FSTL5: variants seen among roughly 807,000 people sequenced by gnomAD.
FSTL5 encodes the protein follistatin-related protein 5.
Under a neutral mutation model 89.1 loss-of-function variants are expected in FSTL5, and 62 were observed. That is an observed-to-expected ratio of 0.70 (90% CI 0.57 to 0.86). FSTL5 has a LOEUF of 0.86. FSTL5 is among the 40% of genes least tolerant of loss of function. FSTL5 has a pLI of 0.00. For synonymous variants in FSTL5, 383 were observed against 346.2 expected (o/e 1.11, Z -1.18); for missense variants, 1,057 against 1,001.6 (o/e 1.06, Z -0.75).
At chr4:161,802,197 A>G (rs1729819527) in intron 4 of FSTL5, among the ~76,000 whole-genome samples, 1 of 151,740 alleles carries the variant, frequency 6.6e-6, no homozygotes, top group Non-Finnish European at 1.5e-5. Context: ...TGCTTCAGTT[A>G]TGTCTAAAAT....
At chr4:162,004,608 G>T (rs1483551) in intron 3 of FSTL5, among the ~76,000 whole-genome samples, 5,588 of 152,176 alleles carry the variant, frequency 0.037, 152 homozygotes, top group South Asian at 0.088. Context: ...TATCAAGTAC[G>T]TACCATCAGA....
intron 15 of FSTL5, among the ~76,000 whole-genome samples, chr4:161,433,826 A>G (rs993659289): frequency 2.0e-5 from 3 of 152,098 alleles, no homozygotes; most frequent in Admixed American, 2.0e-4. Context: ...AAATAAAATT[A>G]AATATCTAGG....
At chr4:161,411,768 A>C (rs1731601342) in intron 15 of FSTL5, among the ~76,000 whole-genome samples, 1 of 152,180 alleles carries the variant, frequency 6.6e-6, no homozygotes, top group Non-Finnish European at 1.5e-5. Context: ...CCCTTTGAGA[A>C]CTGGAAGAAG....
chr4:161,602,201 C>T (rs1043008821), intron 7 of FSTL5, among the ~76,000 whole-genome samples: 34 of 148,594 alleles, frequency 2.3e-4, no homozygotes, highest in African/African-American at 6.0e-4. Flanking sequence ...AAAGCGTGTG[C>T]GCACGCATGC....
intron 7 of FSTL5, among the ~76,000 whole-genome samples, chr4:161,640,945 A>G (rs1458447423): frequency 6.6e-6 from 1 of 152,216 alleles, no homozygotes; most frequent in Non-Finnish European, 1.5e-5. Context: ...CCTTAGTACA[A>G]TTGTTTGCAG....
intron 2 of FSTL5, among the ~76,000 whole-genome samples, chr4:162,091,736 A>G (rs1319085214): frequency 1.3e-5 from 2 of 152,102 alleles, no homozygotes; most frequent in Non-Finnish European, 2.9e-5. Context: ...TCTCTAATCA[A>G]TATTGTTGCG....
intron 1 of FSTL5, among the ~76,000 whole-genome samples, chr4:162,125,159 T>C (rs6853691): frequency 0.16 from 23,724 of 152,102 alleles, 3,028 homozygotes; most frequent in African/African-American, 0.35. Flanking sequence ...TTTCTATCAA[T>C]TTTGGTTTCT....
intron 3 of FSTL5, among the ~76,000 whole-genome samples, chr4:161,968,159 T>A (rs924091222): frequency 2.6e-5 from 4 of 152,052 alleles, no homozygotes; most frequent in Non-Finnish European, 5.9e-5. Flanking sequence ...ACACATCAAT[T>A]TCCTCATCTG....
chr4:161,856,713 G>A (rs1263191412), intron 4 of FSTL5, among the ~76,000 whole-genome samples: 3 of 151,408 alleles, frequency 2.0e-5, no homozygotes, highest in African/African-American at 7.3e-5. Context: ...TGGCAAGCAA[G>A]TAAACAAATA....
intron 12 of FSTL5, chr4:161,495,403 T>C (rs764590992): frequency 6.6e-6 from 1 of 152,172 alleles, no homozygotes; most frequent in African/African-American, 2.4e-5. Flanking sequence ...GTTTGACTTC[T>C]GAATCCATAA....
At chr4:161,703,957 A>T (rs1485444231) in intron 6 of FSTL5, among the ~76,000 whole-genome samples, 1 of 152,136 alleles carries the variant, frequency 6.6e-6, no homozygotes, top group Non-Finnish European at 1.5e-5. Flanking sequence ...ATTTTTAAGC[A>T]TATTCAACCA....
At chr4:161,839,398 G>T (rs2126870203) in intron 4 of FSTL5, among the ~76,000 whole-genome samples, 1 of 151,850 alleles carries the variant, frequency 6.6e-6, no homozygotes, top group African/African-American at 2.4e-5. Flanking sequence ...CACTTTTTTT[G>T]CCAAAGATCT....
chr4:161,649,239 C>T (rs547602331), intron 7 of FSTL5, among the ~76,000 whole-genome samples: 25 of 152,248 alleles, frequency 1.6e-4, no homozygotes, highest in African/African-American at 5.8e-4. Flanking sequence ...CCCAGCATTT[C>T]AATTTTAAAT....
chr4:161,867,572 AT>A (rs973688711), intron 4 of FSTL5, among the ~76,000 whole-genome samples: 2 of 151,718 alleles, frequency 1.3e-5, no homozygotes, highest in African/African-American at 4.8e-5. Flanking sequence ...AAGTGTGTTA[AT>A]TTTTGACAAG....
chr4:162,136,667 GTAT>G (rs891371354), intron 1 of FSTL5, among the ~76,000 whole-genome samples: 2 of 152,056 alleles, frequency 1.3e-5, no homozygotes, highest in East Asian at 3.9e-4. Context: ...TCAGTTTAAA[GTAT>G]TATTGCAAAA....
At chr4:161,662,418 T>C (rs758593256) in intron 6 of FSTL5, among the ~76,000 whole-genome samples, 18 of 152,154 alleles carry the variant, frequency 1.2e-4, no homozygotes, top group Admixed American at 6.5e-5. Flanking sequence ...TTAGACATTT[T>C]TACCATAAAT....
chr4:161,951,019 G>A (rs1354005845), intron 3 of FSTL5, among the ~76,000 whole-genome samples: 1 of 152,052 alleles, frequency 6.6e-6, no homozygotes, highest in Non-Finnish European at 1.5e-5. Flanking sequence ...GACCCAGTGG[G>A]AGGTAATTGA....
intron 1 of FSTL5, among the ~76,000 whole-genome samples, chr4:162,126,504 T>G (rs1315088002): frequency 4.6e-5 from 7 of 152,130 alleles, no homozygotes; most frequent in Non-Finnish European, 7.4e-5. Context: ...ACTTTTTCTC[T>G]TCGGAGTCTA....
At chr4:161,611,226 G>GTATATA (rs1458618658) in intron 7 of FSTL5, among the ~76,000 whole-genome samples, 32 of 92,050 alleles carry the variant, frequency 3.5e-4, no homozygotes, top group Admixed American at 4.6e-4. Context: ...GTGTGTATGT[G>GTATATA]TATACATATA....
Sources: gnomAD v4.1 joint callset for allele counts (sites outside exome capture counted in the v4.1 genomes callset) on GRCh38, gnomAD v4.1.1 for gene constraint, MANE v1.5 for transcripts, NCBI Gene and HGNC (gene_info 2026-07-23, HGNC 2026-07-21) for gene names.